The following ALPK3 variants were observed in gnomAD, a reference collection of about 807,000 sequenced individuals.
ALPK3 encodes the protein alpha-protein kinase 3.
ALPK3 carries 102 observed loss-of-function variants against 140.0 expected under a neutral mutation model. The observed-to-expected ratio is 0.73, with a 90% CI of 0.62 to 0.86. The LOEUF is 0.86. Ranked by LOEUF, ALPK3 falls within the 40% of genes least tolerant of loss-of-function variation. The probability of loss-of-function intolerance (pLI) is 0.00; values close to 1 mark genes in which losing one functional copy is unlikely to be tolerated. For missense variants in ALPK3, 2,254 were observed against 2,208.2 expected, an observed-to-expected ratio of 1.02 and a Z score of -0.42; for synonymous variants, 938 against 898.5, an observed-to-expected ratio of 1.04 and a Z score of -0.79.
At chr15:84,861,883 A>C (rs984134061) in intron 9 of ALPK3, among the ~76,000 whole-genome samples, 3 of 152,150 alleles carry the variant, frequency 2.0e-5, no homozygotes, top group Admixed American at 6.5e-5. Context: ...CTATGAATAC[A>C]TGGATTTTTA....
intron 5 of ALPK3, among the ~76,000 whole-genome samples, chr15:84,847,657 C>T (rs1963747857): frequency 6.6e-6 from 1 of 151,988 alleles, no homozygotes; most frequent in Non-Finnish European, 1.5e-5. Flanking sequence ...AACTTTCAAC[C>T]TATAATTCTA....
rs306199 is a variant in ALPK3 at position 84,863,263 on chromosome 15, A to C, written c.4411-289A>C. 0.85 allele frequency among the ~76,000 whole-genome samples: 128,714 copies of C among 152,140 alleles called. 54,637 individuals are homozygous for C. The highest frequency in any genetic ancestry group is 0.95 in the East Asian group (4,909 of 5,180). The stretch of plus-strand genomic sequence containing the variant: ...TGGGGTGGGCAGTCTTCCTGGCTCT[A>C]CACAGAGTGGTCTCTGGGACACTGT... On this transcript the variant is annotated intron_variant, in intron 10 of 13. Coordinates refer to ENST00000258888, the MANE Select transcript of ALPK3 (RefSeq NM_020778.5).
Position 84,868,341 on chromosome 15 carries a change from G to T in ALPK3, c.5003G>T (p.Arg1668Leu). ...KKGLPSPQGT[R>L]KSAPSSKATP... ...GGCCTCCCTAGTCCTCAGGGCACCC[G>T]GAAGAGTGCTCCAAGTTCCAAGGCC... is the stretch of plus-strand genomic sequence containing the variant. The change falls in exon 14 of 14, where the codon CGG (arginine) becomes CTG (leucine). Residue 1668 changes from arginine (R) to leucine (L), a missense_variant. Arg to Leu is a moderately radical substitution (Grantham distance 102, BLOSUM62 -2). Transcript: ENST00000258888. 6.2e-7 allele frequency: 1 copy of T among 1,614,086 alleles called. No individual in the cohort carries two copies. Among genetic ancestry groups the T allele is most frequent in the Non-Finnish European group, 8.5e-7 (1 of 1,179,998 alleles).
Position 84,862,691 on chromosome 15 carries a change from G to T in ALPK3, c.4186G>T (p.Gly1396Cys). The T allele has an allele frequency of 6.2e-7, 1 of 1,614,182 alleles. No individual in the cohort carries two copies. The highest frequency in any genetic ancestry group is 1.3e-5 in the African/African-American group (1 of 75,052). ...GTTTGCTAAGGGTCTGGCTGACTCTGGCTGCTGGGGGGACAAGCTCTTTGG... is the reference window on the plus strand; with the variant it reads ...GTTTGCTAAGGGTCTGGCTGACTCTTGCTGCTGGGGGGACAAGCTCTTTGG... Reference protein sequence around the residue: ...MVFAKGLADSGCWGDKLFGRL... With the variant: ...MVFAKGLADSCCWGDKLFGRL... The change falls in exon 10 of 14, where the codon GGC becomes TGC. Residue 1396 changes from glycine (G) to cysteine (C), a missense_variant. By Grantham distance (159) the Gly-to-Cys change is radical. Coordinates refer to ENST00000258888, the MANE Select transcript of ALPK3 (RefSeq NM_020778.5).
chr15:84,860,696 C>T (rs765260172), intron 9 of ALPK3, among the ~76,000 whole-genome samples: 1 of 152,200 alleles, frequency 6.6e-6, no homozygotes, highest in Non-Finnish European at 1.5e-5. Flanking sequence ...CCTTCATTCT[C>T]TCACTCTTTC....
rs1253277921 is a variant in ALPK3, at chr15:84,858,282, A to G, written c.3544A>G (p.Thr1182Ala). The change falls in exon 6 of 14, where the codon ACA (threonine) becomes GCA (alanine). Residue 1182 changes from threonine (T) to alanine (A), a missense_variant. Thr to Ala is a moderately conservative substitution (Grantham distance 58). Around this residue, in one of 3 missense-constraint regions of ALPK3, gnomAD observed 2,088 missense variants for 2,022.9 expected, o/e 1.03. Transcript: ENST00000258888. ...VRAAGDGEATTPEERESPTVS... is the reference protein window; with the variant it reads ...VRAAGDGEATAPEERESPTVS... ...AGCAGCAGGAGACGGGGAGGCAACCACACCTGAAGAAAGGGAGAGCCCCAC... is the reference window on the plus strand; with the variant it reads ...AGCAGCAGGAGACGGGGAGGCAACCGCACCTGAAGAAAGGGAGAGCCCCAC... 6.3e-7 allele frequency: 1 copy of G among 1,586,396 alleles called. No individual in the cohort carries two copies. The highest frequency in any genetic ancestry group is 2.3e-5 in the East Asian group (1 of 43,200).
At position 84,858,026 on chromosome 15, in the gene ALPK3, C is replaced by A; in HGVS notation, c.3288C>A (p.Ser1096=). The change falls in exon 6 of 14, where the codon TCC becomes TCA. Residue 1096 remains serine, a synonymous_variant. Transcript: ENST00000258888. ...CCAGTGAGGGTGAAGGAGAGGTTTC[C>A]CCTGAGGGGCCTGGCCTCCTGGGGG... is the stretch of plus-strand genomic sequence containing the variant. ...EGASEGEGEV[S]PEGPGLLGAS... is the part of the protein sequence containing the mutation. 1 of 1,580,058 alleles carries A rather than the reference C, an allele frequency of 6.3e-7. No homozygotes were observed. Among genetic ancestry groups the A allele is most frequent in the Non-Finnish European group, 8.6e-7 (1 of 1,164,522 alleles).
Position 84,856,696 on chromosome 15 carries a change from C to G in ALPK3, c.1958C>G (p.Ser653Ter). The change falls in exon 6 of 14, where the codon TCA becomes TGA. Residue 653 changes from serine (S) to a stop codon, truncating the protein, a stop_gained. Transcript: ENST00000258888. LOFTEE classifies it high-confidence loss of function. ...ACACAAGAAAGCAAGAGGCCACAGT[C>G]AGACAGGAGTGCACAGAAGGGCATG... ...AGTQESKRPQ[S>*]DRSAQKGMMT... 6.2e-7 allele frequency: 1 copy of G among 1,614,062 alleles called. No individual in the cohort carries two copies. Among genetic ancestry groups the G allele is most frequent in the Non-Finnish European group, 8.5e-7 (1 of 1,180,034 alleles).
At position 84,840,268 on chromosome 15, in the gene ALPK3, C is replaced by T. The variant is rs2141556816; in HGVS notation, c.989C>T (p.Pro330Leu). Residue 330 changes from proline (P) to leucine (L), a missense_variant, in exon 5 of 14, where the codon CCA becomes CTA. This residue lies in a region of ALPK3 where 2,088 missense variants were observed against 2,022.9 expected (regional missense o/e 1.03). Transcript: ENST00000258888. ...DEESKQGLRK[P>L]ELEKAAQSRR... ...GAATCCAAGCAAGGCCTGCGGAAGC[C>T]AGAGTTAGAGAAGGCAGCCCAAAGC... 1 of 1,613,856 alleles carries T rather than the reference C, an allele frequency of 6.2e-7. No homozygotes were observed. The highest frequency in any genetic ancestry group is 8.5e-7 in the Non-Finnish European group (1 of 1,180,026).
At chr15:84,817,754 G>T (rs1179405791) in intron 1 of ALPK3, among the ~76,000 whole-genome samples, 159 bp downstream of exon 1, 2 of 152,202 alleles carry the variant, frequency 1.3e-5, no homozygotes, top group Admixed American at 1.3e-4. Context: ...GGGCTGGAAT[G>T]GCTTTCATAG....
chr15:84,863,518 CTTTGCTCACCACA>C lies in ALPK3; in HGVS notation c.4411-29_4411-17del, dbSNP rs767814801. ...GACACAGTGGAGGACTGAGGAATTTCTTTGCTCACCACATTTGGTTCCCTCATCCACAGGGGTG... is the reference window on the plus strand; with the variant it reads ...GACACAGTGGAGGACTGAGGAATTTCTTTGGTTCCCTCATCCACAGGGGTG... On this transcript the variant is annotated intron_variant, in intron 10 of 13. Coordinates refer to ENST00000258888, the MANE Select transcript of ALPK3 (RefSeq NM_020778.5). 2.5e-6 allele frequency: 4 copies of C among 1,593,356 alleles called. No individual in the cohort carries two copies. In the African/African-American group the frequency reaches 5.4e-5, roughly 21 times the overall value.
Position 84,846,104 on chromosome 15 carries a change from G to A in ALPK3, c.1653+5172G>A, listed in dbSNP as rs1234138525. 2.6e-5 allele frequency among the ~76,000 whole-genome samples: 4 copies of A among 152,068 alleles called. No homozygotes were observed. In the South Asian group the frequency reaches 6.2e-4, roughly 24 times the overall value. On this transcript the variant is annotated intron_variant, in intron 5 of 13. Transcript: ENST00000258888. Reference sequence around the variant, plus strand: ...AACAACAATAAAAAAACCCCAAACAGCATTGGAAATGCTTGGAAAATGGAA... The same window carrying A: ...AACAACAATAAAAAAACCCCAAACAACATTGGAAATGCTTGGAAAATGGAA...
At chr15:84,850,419 A>G (rs1488569025) in intron 5 of ALPK3, among the ~76,000 whole-genome samples, 2 of 152,180 alleles carry the variant, frequency 1.3e-5, no homozygotes, top group East Asian at 1.9e-4. Context: ...GTCTTACTCT[A>G]TTGCCCAGGC....
At chr15:84,852,677 G>A (rs1056209849) in intron 5 of ALPK3, 2 of 192,944 alleles carry the variant, frequency 1.0e-5, no homozygotes, top group South Asian at 9.2e-5. Context: ...ACCAAGATTG[G>A]CCACAGTTAA....
intron 4 of ALPK3, 63 bp from the exon 5 acceptor site, chr15:84,839,639 G>A: frequency 6.6e-7 from 1 of 1,524,692 alleles, no homozygotes; most frequent in Non-Finnish European, 8.8e-7. Flanking sequence ...GCTCTGGCTG[G>A]GGGGTGTGGG....
intron 12 of ALPK3, among the ~76,000 whole-genome samples, chr15:84,865,994 TTCTAGCTGAG>T (rs1364781943): frequency 6.6e-6 from 1 of 152,182 alleles, no homozygotes; most frequent in African/African-American, 2.4e-5. Flanking sequence ...CCCCATTCTC[TTCTAGCTGAG>T]TCTGTTTTAC....
In ALPK3 at chr15:84,868,338, C is replaced by T. The variant is rs749265116; in HGVS notation, c.5000C>T (p.Thr1667Ile). 6.8e-6 allele frequency: 11 copies of T among 1,614,038 alleles called. No homozygotes were observed. The highest frequency in any genetic ancestry group is 3.3e-5 in the South Asian group (3 of 91,096). The stretch of plus-strand genomic sequence containing the variant: ...AAAGGCCTCCCTAGTCCTCAGGGCA[C>T]CCGGAAGAGTGCTCCAAGTTCCAAG... ...QKKGLPSPQGTRKSAPSSKAT... is the reference protein window; with the variant it reads ...QKKGLPSPQGIRKSAPSSKAT... The change falls in exon 14 of 14, where the codon ACC (threonine) becomes ATC (isoleucine). Residue 1667 changes from threonine to isoleucine, a missense_variant. By Grantham distance (89) the Thr-to-Ile change is moderately conservative. This residue lies in a region of ALPK3 where 158 missense variants were observed against 159.8 expected (regional missense o/e 0.99). Transcript: ENST00000258888.
intron 3 of ALPK3, among the ~76,000 whole-genome samples, chr15:84,834,056 A>C (rs1468140553): frequency 6.6e-6 from 1 of 152,136 alleles, no homozygotes; most frequent in East Asian, 1.9e-4. Flanking sequence ...CAAGTTGCAC[A>C]AAGGGATTGA....
Position 84,857,319 on chromosome 15 carries a change from A to G in ALPK3, c.2581A>G (p.Ser861Gly), listed in dbSNP as rs1193281404. ...GGGTGGCTGTCCTCTAGCTGGCCTGAGCCAGGAGGTACCCACGATGCCTTC... is the reference window on the plus strand; with the variant it reads ...GGGTGGCTGTCCTCTAGCTGGCCTGGGCCAGGAGGTACCCACGATGCCTTC... ...DQGGCPLAGLSQEVPTMPSLP... is the reference protein window; with the variant it reads ...DQGGCPLAGLGQEVPTMPSLP... Residue 861 changes from serine (S) to glycine (G), a missense_variant, in exon 6 of 14, where the codon AGC becomes GGC. Physicochemically the swap from Ser to Gly is moderately conservative, Grantham distance 56. Transcript: ENST00000258888. The G allele has an allele frequency of 1.2e-6, 2 of 1,614,144 alleles. No homozygotes were observed. The highest frequency in any genetic ancestry group is 1.7e-6 in the Non-Finnish European group (2 of 1,180,020).
Sources: allele counts gnomAD v4.1 joint callset (sites outside exome capture counted in the v4.1 genomes callset), GRCh38; gene constraint gnomAD v4.1.1; regional missense constraint gnomAD v4.1.1; transcripts MANE v1.5; gene names NCBI Gene and HGNC (gene_info 2026-07-23, HGNC 2026-07-21).